DLGAP2: variants seen among roughly 807,000 people sequenced by gnomAD.
DLGAP2 encodes DLG associated protein 2.
Under a neutral mutation model 100.3 loss-of-function variants are expected in DLGAP2, and 26 were observed. The observed-to-expected ratio is 0.26, with a 90% CI of 0.19 to 0.36. The LOEUF (loss-of-function observed/expected upper bound fraction) is 0.36, where lower values mean the gene tolerates loss of function less well. Ranked by LOEUF, DLGAP2 falls within the 10% of genes least tolerant of loss-of-function variation. The pLI, the probability that DLGAP2 is intolerant of heterozygous loss-of-function variation, is 1.00. For missense variants in DLGAP2, 1,858 were observed against 1,453.2 expected, an observed-to-expected ratio of 1.28 and a Z score of -4.53; for synonymous variants, 886 against 630.1, an observed-to-expected ratio of 1.41 and a Z score of -6.08.
In DLGAP2 at chr8:1,432,140, C is replaced by A. The variant is rs537260495; in HGVS notation, c.107-69226C>A. Among the ~76,000 whole-genome samples, 4 of 152,334 alleles carry A rather than the reference C, an allele frequency of 2.6e-5. No homozygotes were observed. In the East Asian group the frequency reaches 7.7e-4, roughly 29 times the overall value. Reference sequence around the variant, plus strand: ...AACTCTGGCGTTTGATCATTCGGGGCTAGTTCCACTTCACATACTCATAAG... The same window carrying A: ...AACTCTGGCGTTTGATCATTCGGGGATAGTTCCACTTCACATACTCATAAG... On this transcript the variant is annotated intron_variant, in intron 3 of 14. Coordinates refer to ENST00000637795, the MANE Select transcript of DLGAP2 (RefSeq NM_001346810.2).
At chr8:923,255 CATA>C (rs771210453) in intron 2 of DLGAP2, among the ~76,000 whole-genome samples, 2 of 152,188 alleles carry the variant, frequency 1.3e-5, no homozygotes, top group Non-Finnish European at 2.9e-5. Flanking sequence ...TGGGCTGTGT[CATA>C]ATGTCTGTAA....
intron 3 of DLGAP2, among the ~76,000 whole-genome samples, chr8:1,428,371 A>G (rs1797296470): frequency 1.3e-5 from 2 of 152,348 alleles, no homozygotes; most frequent in African/African-American, 4.8e-5. Flanking sequence ...ACTTACTACC[A>G]GTAAATAAAT....
chr8:1,473,274 G>A (rs1235391675), intron 3 of DLGAP2, among the ~76,000 whole-genome samples: 1 of 152,114 alleles, frequency 6.6e-6, no homozygotes, highest in African/African-American at 2.4e-5. Context: ...CCAAAAACCT[G>A]TAACCACCCA....
intron 1 of DLGAP2, among the ~76,000 whole-genome samples, chr8:860,599 C>G (rs1797370456): frequency 6.6e-6 from 1 of 152,250 alleles, no homozygotes; most frequent in African/African-American, 2.4e-5. Context: ...CTGACAGAGT[C>G]TTCCTTTTCC....
intron 12 of DLGAP2, among the ~76,000 whole-genome samples, chr8:1,689,927 G>A (rs567553129): frequency 6.6e-6 from 1 of 152,338 alleles, no homozygotes; most frequent in South Asian, 2.1e-4. Flanking sequence ...ATATCCAGCA[G>A]AGATCAGTGG....
chr8:1,029,858 G>A (rs554653586), intron 2 of DLGAP2, among the ~76,000 whole-genome samples: 2 of 152,102 alleles, frequency 1.3e-5, no homozygotes, highest in Non-Finnish European at 2.9e-5. Flanking sequence ...AGCTGGGGAA[G>A]GCAAGAGCTT....
chr8:1,500,910 T>C (rs1799699455), intron 3 of DLGAP2, among the ~76,000 whole-genome samples: 1 of 152,180 alleles, frequency 6.6e-6, no homozygotes, highest in African/African-American at 2.4e-5. Context: ...CATTGCAAAA[T>C]GAGGCTTCGA....
At chr8:1,154,499 G>A (rs1327922046) in intron 2 of DLGAP2, among the ~76,000 whole-genome samples, 1 of 152,092 alleles carries the variant, frequency 6.6e-6, no homozygotes, top group Non-Finnish European at 1.5e-5. Flanking sequence ...GACAAGGCAG[G>A]GAAAATTGAT....
intron 2 of DLGAP2, among the ~76,000 whole-genome samples, chr8:1,066,139 C>T (rs772594664): frequency 5.9e-5 from 9 of 151,856 alleles, no homozygotes; most frequent in African/African-American, 2.2e-4. Context: ...TGAGCGAGGA[C>T]AGCTCCCCAC....
intron 2 of DLGAP2, among the ~76,000 whole-genome samples, chr8:973,855 G>A (rs960816786): frequency 1.9e-3 from 30 of 15,940 alleles, no homozygotes; most frequent in Non-Finnish European, 2.8e-3. Context: ...GGGCGGTGGC[G>A]GCTGCGACCA....
At chr8:1,381,980 A>G (rs962579596) in intron 3 of DLGAP2, among the ~76,000 whole-genome samples, 10 of 152,144 alleles carry the variant, frequency 6.6e-5, no homozygotes, top group African/African-American at 1.9e-4. Flanking sequence ...CATTTATGCA[A>G]TCTTGAAAAA....
intron 3 of DLGAP2, among the ~76,000 whole-genome samples, chr8:1,348,748 C>CT: frequency 6.6e-6 from 1 of 152,322 alleles, no homozygotes; most frequent in South Asian, 2.1e-4. Flanking sequence ...TGCTGTCTTA[C>CT]ACTCATGATG....
At chr8:1,382,680 G>A (rs1349514190) in intron 3 of DLGAP2, among the ~76,000 whole-genome samples, 3 of 152,130 alleles carry the variant, frequency 2.0e-5, no homozygotes, top group Non-Finnish European at 2.9e-5. Flanking sequence ...AGATGGAAGC[G>A]GCAGTGAGCC....
At chr8:1,349,074 C>T (rs1176584002) in intron 3 of DLGAP2, among the ~76,000 whole-genome samples, 1 of 151,676 alleles carries the variant, frequency 6.6e-6, no homozygotes, top group Non-Finnish European at 1.5e-5. Context: ...TGCCAAGTCA[C>T]CTCAGCAGTG....
chr8:1,292,080 A>G (rs1389559044), intron 3 of DLGAP2, among the ~76,000 whole-genome samples: 1 of 152,242 alleles, frequency 6.6e-6, no homozygotes, highest in East Asian at 1.9e-4. Flanking sequence ...AACTCTGAAG[A>G]CAGATGAATT....
intron 2 of DLGAP2, among the ~76,000 whole-genome samples, chr8:950,813 A>G (rs1799460992): frequency 6.6e-6 from 1 of 151,338 alleles, no homozygotes; most frequent in Non-Finnish European, 1.5e-5. Context: ...TTTAGTAGAG[A>G]TGGGGTTTCA....
chr8:1,487,848 G>C (rs114730632), intron 3 of DLGAP2, among the ~76,000 whole-genome samples: 1 of 152,164 alleles, frequency 6.6e-6, no homozygotes, highest in East Asian at 1.9e-4. Context: ...CAGCAGGTAC[G>C]TGGTGGCCCC....
intron 7 of DLGAP2, among the ~76,000 whole-genome samples, chr8:1,627,274 C>G (rs901423961): frequency 2.0e-5 from 3 of 152,194 alleles, no homozygotes; most frequent in Admixed American, 2.0e-4. Context: ...AATTGTGCCT[C>G]AGAAAGTCCT....
intron 14 of DLGAP2, 91 bp from the exon 15 acceptor site, chr8:1,701,097 G>C (rs572273275): frequency 1.7e-6 from 2 of 1,210,498 alleles, no homozygotes; most frequent in African/African-American, 1.5e-5. Context: ...CGGTCGGGAA[G>C]GGTCAGGCCA....
Sources: allele counts gnomAD v4.1 joint callset (sites outside exome capture counted in the v4.1 genomes callset), GRCh38; gene constraint gnomAD v4.1.1; transcripts MANE v1.5; gene names NCBI Gene and HGNC (gene_info 2026-07-23, HGNC 2026-07-21).